The following RGS22 variants were observed in gnomAD, a reference collection of about 807,000 sequenced individuals.
RGS22 encodes the protein regulator of G protein signaling 22.
Under a neutral mutation model 172.9 loss-of-function variants are expected in RGS22, and 148 were observed. The ratio of observed to expected loss-of-function variants is 0.86; its 90% confidence interval spans 0.75 to 0.98. The LOEUF (loss-of-function observed/expected upper bound fraction) is 0.98. RGS22 is among the 50% of genes least tolerant of loss of function. The probability of loss-of-function intolerance (pLI) is 0.00; values close to 1 mark genes in which losing one functional copy is unlikely to be tolerated. For missense variants in RGS22, 1,347 were observed against 1,440.8 expected (o/e 0.93, Z 1.05); for synonymous variants, 458 against 480.2 (o/e 0.95, Z 0.60).
At position 100,002,187 on chromosome 8, in the gene RGS22, T is replaced by A; in HGVS notation, c.2790+15A>T. On this transcript the variant is annotated intron_variant, in intron 18 of 27. Transcript: ENST00000360863. ...TTCAAACATCAATTAAAAAAATAGGTTTGCATGTTGATACCTGGTTCTGCT... is the reference window on the plus strand; with the variant it reads ...TTCAAACATCAATTAAAAAAATAGGATTGCATGTTGATACCTGGTTCTGCT... The A allele has an allele frequency of 6.6e-7, 1 of 1,521,380 alleles. No homozygotes were observed. The highest frequency in any genetic ancestry group is 8.8e-7 in the Non-Finnish European group (1 of 1,138,972). The allele number at this position is 1,521,380 out of a possible 1,614,324, so 94.2% of individuals were successfully genotyped here.
chr8:100,039,830 A>T, intron 13 of RGS22, 132 bp downstream of exon 13: 1 of 495,076 alleles, frequency 2.0e-6, no homozygotes, highest in Non-Finnish European at 3.3e-6. Context: ...ACTAAATATT[A>T]AATATGAATT....
chr8:100,002,121 A>G, intron 18 of RGS22, 81 bp downstream of exon 18: 1 of 1,061,382 alleles, frequency 9.4e-7, no homozygotes, highest in South Asian at 1.8e-5. Context: ...AAAATAAGAG[A>G]CTTTCAGGTT....
intron 23 of RGS22, among the ~76,000 whole-genome samples, chr8:99,976,713 G>A (rs559415943): frequency 6.6e-6 from 1 of 152,178 alleles, no homozygotes; most frequent in Admixed American, 6.5e-5. Flanking sequence ...CTTAATGACT[G>A]CTCCTAGATA....
chr8:100,003,315 T>A (rs554000498), intron 17 of RGS22, among the ~76,000 whole-genome samples: 1 of 151,430 alleles, frequency 6.6e-6, no homozygotes, highest in Non-Finnish European at 1.5e-5. Flanking sequence ...ATTAAAAAAA[T>A]TAATAAATAA....
rs181673320 is a variant in RGS22, at chr8:100,059,495, C to T, written c.1514+3096G>A. On this transcript the variant is annotated intron_variant, in intron 9 of 27. Coordinates refer to ENST00000360863, the MANE Select transcript of RGS22 (RefSeq NM_015668.5). ...AAAAAAAGCAGGAGTAGCTATACTTCTATCAGACAAAACAGATTTCAAGAC... is the reference window on the plus strand; with the variant it reads ...AAAAAAAGCAGGAGTAGCTATACTTTTATCAGACAAAACAGATTTCAAGAC... 1.5e-4 allele frequency among the ~76,000 whole-genome samples: 23 copies of T among 150,652 alleles called. No homozygotes were observed. In the East Asian group the frequency reaches 3.5e-3, roughly 23 times the overall value.
chr8:100,011,975 A>G (rs1466327640), intron 14 of RGS22, among the ~76,000 whole-genome samples: 6 of 152,130 alleles, frequency 3.9e-5, no homozygotes, highest in Admixed American at 2.0e-4. Context: ...GAAATAGTAA[A>G]AGAACCTGAG....
chr8:100,090,404 G>C (rs1264601120), intron 3 of RGS22, among the ~76,000 whole-genome samples: 2 of 147,918 alleles, frequency 1.4e-5, no homozygotes, highest in Non-Finnish European at 3.0e-5. Flanking sequence ...ATGCAGGATG[G>C]CAAAAGTAAT....
intron 13 of RGS22, 134 bp from the exon 14 acceptor site, chr8:100,039,166 A>G (rs1348987712): frequency 6.4e-6 from 3 of 466,680 alleles, no homozygotes; most frequent in Non-Finnish European, 1.1e-5. Flanking sequence ...GATGGTTTTA[A>G]TCTTCTATCA....
Position 100,004,072 on chromosome 8 carries a change from G to T in RGS22, c.2481C>A (p.Gly827=). The change falls in exon 17 of 28, where the codon GGC becomes GGA. Residue 827 remains glycine, a synonymous_variant. Transcript: ENST00000360863. ...AEDTTCEIGT[G]ILSLSNVSKR... ...TAGAGACGTTAGAGAGTGATAAAAT[G>T]CCAGTTCCAATTTCACAAGTGGTGT... 6.2e-7 allele frequency: 1 copy of T among 1,600,398 alleles called. No homozygotes were observed. The highest frequency in any genetic ancestry group is 8.5e-7 in the Non-Finnish European group (1 of 1,172,730).
intron 2 of RGS22, among the ~76,000 whole-genome samples, chr8:100,099,069 C>G (rs536557102): frequency 6.6e-6 from 1 of 151,900 alleles, no homozygotes; most frequent in South Asian, 2.1e-4. Flanking sequence ...GTGCATGCCA[C>G]CAAGCCCAGC....
At chr8:100,073,924 C>T (rs1811162911) in intron 4 of RGS22, among the ~76,000 whole-genome samples, 1 of 152,048 alleles carries the variant, frequency 6.6e-6, no homozygotes, top group Non-Finnish European at 1.5e-5. Context: ...GAAAACAAAA[C>T]TCTTCATGGT....
intron 14 of RGS22, among the ~76,000 whole-genome samples, chr8:100,018,008 A>G (rs1177483622): frequency 5.9e-5 from 9 of 152,180 alleles, no homozygotes; most frequent in Admixed American, 5.2e-4. Context: ...TGATGCTTTA[A>G]CAACCCAGCA....
rs1158375566 is a variant in RGS22 at position 100,080,241 on chromosome 8, G to A, written c.232C>T (p.Arg78Ter). 2.5e-6 allele frequency: 4 copies of A among 1,613,754 alleles called. No individual in the cohort carries two copies. The highest frequency in any genetic ancestry group is 2.2e-5 in the East Asian group (1 of 44,854). ...LKKILQNQQPRNPIYDVVRKG... is the reference protein window; with the variant it reads ...LKKILQNQQP ...CTTACAACATCATAAATGGGATTTC[G>A]AGGTTGCTGGTTTTGTAGAATTTTT... Residue 78 changes from arginine to a stop codon, truncating the protein, a stop_gained, in exon 4 of 28, where the codon CGA becomes TGA. Transcript: ENST00000360863. LOFTEE classifies it high-confidence loss of function.
intron 10 of RGS22, among the ~76,000 whole-genome samples, chr8:100,052,409 C>T (rs1458417518): frequency 1.3e-5 from 2 of 151,132 alleles, no homozygotes; most frequent in African/African-American, 2.4e-5. Flanking sequence ...TCCCGCCATT[C>T]TCCTGCCTCA....
intron 9 of RGS22, among the ~76,000 whole-genome samples, chr8:100,059,452 T>C (rs1399784194): frequency 1.3e-5 from 2 of 150,878 alleles, no homozygotes; most frequent in Non-Finnish European, 2.9e-5. Context: ...ACATGTTCCA[T>C]GTCAATGGAA....
intron 24 of RGS22, 52 bp downstream of exon 24, chr8:99,965,283 C>T: frequency 8.3e-7 from 1 of 1,204,464 alleles, no homozygotes; most frequent in Non-Finnish European, 1.2e-6. Flanking sequence ...CTGCATTCCA[C>T]TATCCAATGC....
At chr8:99,997,087 A>G (rs1044699176) in intron 19 of RGS22, among the ~76,000 whole-genome samples, 2 of 152,272 alleles carry the variant, frequency 1.3e-5, no homozygotes, top group African/African-American at 2.4e-5. Context: ...TGATAGAGCC[A>G]GGAGGAAAGA....
At position 100,064,024 on chromosome 8, in the gene RGS22, A is replaced by G. The variant is rs78300820; in HGVS notation, c.744T>C (p.Asp248=). The G allele has an allele frequency of 1.2e-3, 1,799 of 1,510,938 alleles. 19 individuals are homozygous for G. The African/African-American group carries it at 0.022, about 19-fold the overall frequency. 93.6% of individuals were successfully genotyped at this position (1,510,938 alleles called of 1,614,324 possible). Residue 248 remains aspartate (D), a synonymous_variant, in exon 8 of 28, where the codon GAT becomes GAC. Transcript: ENST00000360863. ...SSVSENFIFD[D]GVHPRTKKDP... is the part of the protein sequence containing the mutation. ...CCTTTTTTGTCCTAGGGTGAACTCC[A>G]TCATCAAAGATAAAATTCTCTGTAT... is the stretch of plus-strand genomic sequence containing the variant.
chr8:99,998,110 A>G (rs913541171), intron 19 of RGS22, among the ~76,000 whole-genome samples: 40 of 152,166 alleles, frequency 2.6e-4, no homozygotes, highest in Non-Finnish European at 5.0e-4. Flanking sequence ...ATAGTACAGA[A>G]TTATCATAAC....
Sources: gnomAD v4.1 joint callset for allele counts (sites outside exome capture counted in the v4.1 genomes callset) on GRCh38, gnomAD v4.1.1 for gene constraint, MANE v1.5 for transcripts, NCBI Gene and HGNC (gene_info 2026-07-23, HGNC 2026-07-21) for gene names.